The following NUP210L variants were observed in gnomAD, a reference collection of about 807,000 sequenced individuals.
NUP210L encodes nucleoporin 210 like.
NUP210L carries 74 observed loss-of-function variants against 208.5 expected under a neutral mutation model. The ratio of observed to expected loss-of-function variants is 0.35; its 90% CI spans 0.29 to 0.43. The LOEUF (loss-of-function observed/expected upper bound fraction) is 0.43. NUP210L is among the 20% of genes least tolerant of loss of function. The pLI, the probability that NUP210L is intolerant of heterozygous loss-of-function variation, is 1.00. For missense variants in NUP210L, 1,843 were observed against 2,289.4 expected (o/e 0.81, Z 3.98); for synonymous variants, 780 against 816.9 (o/e 0.95, Z 0.77).
intron 10 of NUP210L, among the ~76,000 whole-genome samples, chr1:154,125,513 T>C (rs921361462): frequency 1.3e-5 from 2 of 150,138 alleles, no homozygotes; most frequent in South Asian, 2.1e-4. Flanking sequence ...TCCCAGCTAC[T>C]TGGGGGGCTA....
chr1:154,029,375 C>CAAAAA (rs57790370), intron 28 of NUP210L, among the ~76,000 whole-genome samples: 1 of 44,082 alleles, frequency 2.3e-5, no homozygotes, highest in Non-Finnish European at 3.9e-5. Context: ...AAGACTGTCT[C>CAAAAA]AAAAAAAAAA....
chr1:154,043,258 G>T (rs894564486), intron 27 of NUP210L, among the ~76,000 whole-genome samples: 2 of 151,914 alleles, frequency 1.3e-5, no homozygotes, highest in African/African-American at 4.8e-5. Flanking sequence ...GGGCTCAAGT[G>T]ATCCACGCGC....
intron 15 of NUP210L, among the ~76,000 whole-genome samples, chr1:154,093,119 T>TA (rs1250761984): frequency 6.6e-6 from 1 of 152,020 alleles, no homozygotes; most frequent in Middle Eastern, 3.4e-3. Context: ...CTGTACATTT[T>TA]AAAAAAATGA....
chr1:154,139,700 A>AAAC (rs1658735744), intron 5 of NUP210L, 102 bp downstream of exon 5: 19 of 883,252 alleles, frequency 2.2e-5, no homozygotes, highest in Middle Eastern at 2.4e-4. Context: ...AAAAAAAAAA[A>AAAC]AAACAGGGCG....
chr1:154,070,292 A>G, exon 17 of NUP210L: 1 of 1,608,142 alleles, frequency 6.2e-7, no homozygotes, highest in South Asian at 1.1e-5. Flanking sequence ...GGGTCTGCCC[A>G]CTGCCATCAT....
At chr1:154,143,494 C>T (rs1447546138) in exon 3 of NUP210L, 1 of 1,613,926 alleles carries the variant, frequency 6.2e-7, no homozygotes, top group Non-Finnish European at 8.5e-7. Flanking sequence ...GAATCATCTA[C>T]ATAAAGTTCC....
Position 154,009,955 on chromosome 1 carries a change from C to A in NUP210L, c.4930+17G>T, listed in dbSNP as rs754512085. On this transcript the variant is annotated intron_variant, in intron 35 of 39. Transcript: ENST00000368559. ...ATAAACAGAATGGGGAAACCAGATT[C>A]AACTGGTGTAACTTACCTTTCTCCA... 1 of 1,591,154 alleles carries A rather than the reference C, an allele frequency of 6.3e-7. No homozygotes were observed. The highest frequency in any genetic ancestry group is 1.1e-5 in the South Asian group (1 of 87,068).
intron 16 of NUP210L, among the ~76,000 whole-genome samples, chr1:154,071,847 A>G (rs1255142052): frequency 4.6e-5 from 7 of 151,926 alleles, no homozygotes; most frequent in Admixed American, 6.6e-5. Context: ...CATGTTAGCC[A>G]GGATGGTCTC....
chr1:154,122,060 C>G (rs1476953883), intron 10 of NUP210L, among the ~76,000 whole-genome samples: 2 of 151,946 alleles, frequency 1.3e-5, no homozygotes, highest in African/African-American at 4.8e-5. Context: ...AGAAAGAAAA[C>G]AAGAGAGACA....
chr1:154,082,294 C>A (rs1033282264), intron 16 of NUP210L, among the ~76,000 whole-genome samples: 1 of 152,166 alleles, frequency 6.6e-6, no homozygotes, highest in Non-Finnish European at 1.5e-5. Flanking sequence ...GCCTTTAAAA[C>A]CGTGGAGTCA....
intron 34 of NUP210L, 114 bp downstream of exon 34, chr1:154,012,130 G>C: frequency 1.0e-6 from 1 of 991,134 alleles, no homozygotes; most frequent in South Asian, 1.6e-5. Flanking sequence ...TGTCAAGATG[G>C]AGTCAGTTTT....
At chr1:154,147,675 T>C (rs180782775) in intron 2 of NUP210L, among the ~76,000 whole-genome samples, 1 of 151,558 alleles carries the variant, frequency 6.6e-6, no homozygotes, top group African/African-American at 2.4e-5. Context: ...TGTTTGTCTT[T>C]GAGACAAAGT....
At chr1:154,029,402 C>A (rs867983654) in intron 28 of NUP210L, among the ~76,000 whole-genome samples, 165 of 90,836 alleles carry the variant, frequency 1.8e-3, no homozygotes, top group African/African-American at 4.8e-3. Flanking sequence ...AAAAAAAAAA[C>A]CACAAAAAAA....
At chr1:154,152,560 C>T (rs1306631666) in intron 2 of NUP210L, among the ~76,000 whole-genome samples, 176 bp downstream of exon 2, 5 of 151,240 alleles carry the variant, frequency 3.3e-5, no homozygotes, top group Non-Finnish European at 7.4e-5. Context: ...AATCTTTCTG[C>T]CTCAGCCTCC....
chr1:153,995,916 ATTG>A (rs772788932), intron 37 of NUP210L: 78 of 530,600 alleles, frequency 1.5e-4, no homozygotes, highest in African/African-American at 7.6e-4. Flanking sequence ...GGAGCAGAAA[ATTG>A]TTGTGAAAGT....
intron 16 of NUP210L, among the ~76,000 whole-genome samples, chr1:154,076,877 C>T (rs369095158): frequency 5.0e-4 from 76 of 152,166 alleles, no homozygotes; most frequent in African/African-American, 1.8e-3. Flanking sequence ...CAAACAACAT[C>T]AATCCATCAA....
chr1:154,042,618 C>T (rs1180468998), intron 27 of NUP210L, among the ~76,000 whole-genome samples: 3 of 150,344 alleles, frequency 2.0e-5, no homozygotes, highest in South Asian at 2.1e-4. Flanking sequence ...TTAGTAGAGA[C>T]GGGGTTTCAC....
intron 2 of NUP210L, among the ~76,000 whole-genome samples, chr1:154,147,652 C>CTGTTTGTT (rs920552317): frequency 6.6e-6 from 1 of 151,512 alleles, no homozygotes. Flanking sequence ...TGGCCCAACA[C>CTGTTTGTT]TGTTTGTTTG....
chr1:154,050,562 T>A (rs1653434150), intron 25 of NUP210L, among the ~76,000 whole-genome samples: 1 of 152,188 alleles, frequency 6.6e-6, no homozygotes, highest in African/African-American at 2.4e-5. Flanking sequence ...TTGGATCAAA[T>A]TGCTACCTAT....
Sources: allele counts gnomAD v4.1 joint callset (sites outside exome capture counted in the v4.1 genomes callset), GRCh38; gene constraint gnomAD v4.1.1; transcripts MANE v1.5; gene names NCBI Gene and HGNC (gene_info 2026-07-23, HGNC 2026-07-21).